Variants in NTN4 observed in about 807,000 individuals in gnomAD.
The protein encoded by NTN4 is netrin 4.
Under a neutral mutation model 73.6 loss-of-function variants are expected in NTN4, and 32 were observed. That is an observed-to-expected ratio of 0.44 (90% CI 0.33 to 0.58). The LOEUF (loss-of-function observed/expected upper bound fraction) is 0.58, where lower values mean the gene tolerates loss of function less well. NTN4 is among the 20% of genes least tolerant of loss of function. The pLI is 0.04. For missense variants in NTN4, 654 were observed against 798.3 expected (o/e 0.82, Z 2.18); for synonymous variants, 258 against 287.5 (o/e 0.90, Z 1.04).
intron 9 of NTN4, among the ~76,000 whole-genome samples, 160 bp from the exon 10 acceptor site, chr12:95,659,382 A>G (rs955576872): frequency 3.9e-5 from 6 of 151,974 alleles, no homozygotes; most frequent in Non-Finnish European, 5.9e-5. Flanking sequence ...TGCAGCCTCA[A>G]TCTCCTGGGT....
chr12:95,747,337 C>CT lies in NTN4; in HGVS notation c.586-9194dup, dbSNP rs958049175. On this transcript the variant is annotated intron_variant, in intron 2 of 9. Coordinates refer to ENST00000343702, the MANE Select transcript of NTN4 (RefSeq NM_021229.4). ...CGCCTATATATGTATGTATTGTTTT[C>CT]TTTTTTTTTCAGAGACAATGTCTTG... is the stretch of plus-strand genomic sequence containing the variant. 5.4e-5 allele frequency among the ~76,000 whole-genome samples: 8 copies of CT among 148,562 alleles called. No homozygotes were observed. The South Asian group carries it at 8.4e-4, about 16-fold the overall frequency.
At chr12:95,738,189 A>T in intron 2 of NTN4, 45 bp from the exon 3 acceptor site, 14 of 1,539,458 alleles carry the variant, frequency 9.1e-6, no homozygotes, top group Non-Finnish European at 1.2e-5. Flanking sequence ...GACTGTGCGC[A>T]AACCCTGAAT....
intron 9 of NTN4, among the ~76,000 whole-genome samples, chr12:95,664,561 TTCTCTC>T (rs1157314584): frequency 1.3e-5 from 2 of 149,840 alleles, no homozygotes; most frequent in African/African-American, 4.9e-5. Context: ...CTCTTTCTCT[TTCTCTC>T]TCAGTTATCT....
At chr12:95,684,718 G>A (rs1469965306) in intron 5 of NTN4, among the ~76,000 whole-genome samples, 2 of 152,104 alleles carry the variant, frequency 1.3e-5, no homozygotes, top group Non-Finnish European at 2.9e-5. Context: ...TTCTTGGGAT[G>A]GCAAAAGTAG....
intron 3 of NTN4, among the ~76,000 whole-genome samples, chr12:95,730,624 T>A (rs1183041110): frequency 6.6e-6 from 1 of 152,206 alleles, no homozygotes; most frequent in African/African-American, 2.4e-5. Context: ...GCCATGAACG[T>A]GAATTTGGCT....
intron 7 of NTN4, among the ~76,000 whole-genome samples, chr12:95,679,604 C>A (rs1367505755): frequency 6.6e-6 from 1 of 152,126 alleles, no homozygotes; most frequent in Non-Finnish European, 1.5e-5. Context: ...ATTCTATGAA[C>A]AATTATTGCC....
rs189859095 is a variant in NTN4, at chr12:95,691,816, A to G, written c.1181-8105T>C. On this transcript the variant is annotated intron_variant, in intron 5 of 9. Transcript: ENST00000343702. ...TGGTGAACTGTCCTTAAGAGCCAAAATATTACACTGAGTGGTAACCAGGTA... is the reference window on the plus strand; with the variant it reads ...TGGTGAACTGTCCTTAAGAGCCAAAGTATTACACTGAGTGGTAACCAGGTA... 1.1e-3 allele frequency among the ~76,000 whole-genome samples: 173 copies of G among 152,176 alleles called. 1 individual carries two copies. The highest frequency in any genetic ancestry group is 4.0e-3 in the African/African-American group (166 of 41,508).
chr12:95,715,377 A>G (rs2121099289), intron 3 of NTN4, among the ~76,000 whole-genome samples: 1 of 152,276 alleles, frequency 6.6e-6, no homozygotes, highest in African/African-American at 2.4e-5. Context: ...CTCCTTGAAA[A>G]AAAGATGATG....
At chr12:95,770,117 T>C (rs1489595644) in intron 2 of NTN4, among the ~76,000 whole-genome samples, 1 of 152,172 alleles carries the variant, frequency 6.6e-6, no homozygotes, top group African/African-American at 2.4e-5. Context: ...GACTCAGATA[T>C]AGAAGTACAG....
chr12:95,787,196 C>T lies in NTN4; in HGVS notation c.328G>A (p.Glu110Lys). 1.9e-6 allele frequency: 3 copies of T among 1,614,244 alleles called. No homozygotes were observed. Among genetic ancestry groups the T allele is most frequent in the South Asian group, 1.1e-5 (1 of 91,084 alleles). ...RFPRTWWQSA[E>K]DVHREKIQLD... ...TGGATCTTTTCTCTGTGCACATCCTCCGCAGACTGCCACCATGTGCGAGGA... is the reference window on the plus strand; with the variant it reads ...TGGATCTTTTCTCTGTGCACATCCTTCGCAGACTGCCACCATGTGCGAGGA... Residue 110 changes from glutamate to lysine, a missense_variant, in exon 2 of 10, where the codon GAG becomes AAG. Glu to Lys is a moderately conservative substitution (Grantham distance 56). Coordinates refer to ENST00000343702, the MANE Select transcript of NTN4 (RefSeq NM_021229.4).
chr12:95,703,032 T>C (rs899450723), intron 5 of NTN4, among the ~76,000 whole-genome samples: 4 of 152,002 alleles, frequency 2.6e-5, no homozygotes, highest in African/African-American at 9.7e-5. Flanking sequence ...TAATTTTGTA[T>C]TTTTAGTAGA....
intron 3 of NTN4, among the ~76,000 whole-genome samples, chr12:95,731,782 C>T (rs1215490109): frequency 1.3e-5 from 2 of 151,992 alleles, no homozygotes. Context: ...AGTGCAACAC[C>T]AACAAAAAGA....
In NTN4 at chr12:95,790,454, G is replaced by A. The variant is rs1388374384; in HGVS notation, c.-145C>T. On this transcript the variant is annotated 5_prime_UTR_variant, in exon 1 of 10. Coordinates refer to ENST00000343702, the MANE Select transcript of NTN4 (RefSeq NM_021229.4). The surrounding 1 kb of genome is among the most constrained non-coding windows in gnomAD (Gnocchi z 6.5). The stretch of plus-strand genomic sequence containing the variant: ...TCCTGGGGCGCCGGGCTCGGTCAGC[G>A]GTCGCCGGCAGCTGGGAGCCAGGGG... 3.1e-6 allele frequency: 2 copies of A among 645,386 alleles called. No individual in the cohort carries two copies. The highest frequency in any genetic ancestry group is 4.8e-6 in the Non-Finnish European group (2 of 419,606). The allele number at this position is 645,386 out of a possible 1,614,324, so 40.0% of individuals were successfully genotyped here.
rs752544087 is a variant in NTN4, at chr12:95,786,951, G to C, written c.573C>G (p.Cys191Trp). Residue 191 changes from cysteine (C) to tryptophan (W), a missense_variant, in exon 2 of 10, where the codon TGC becomes TGG. Cys to Trp is a radical substitution (Grantham distance 215). Transcript: ENST00000343702. ...CTSKYSSPFPCTGGEVIFKAL... is the reference protein window; with the variant it reads ...CTSKYSSPFPWTGGEVIFKAL... ...CAGGTGCCCTTACCTCTCCTCCAGT[G>C]CATGGAAAAGGACTGGAGTATTTAG... The C allele has an allele frequency of 6.2e-7, 1 of 1,613,604 alleles. No individual in the cohort carries two copies. The highest frequency in any genetic ancestry group is 1.7e-5 in the Admixed American group (1 of 60,020).
chr12:95,774,532 A>G lies in NTN4; in HGVS notation c.585+12407T>C, dbSNP rs2079078770. On this transcript the variant is annotated intron_variant, in intron 2 of 9. Transcript: ENST00000343702. ...GTTGAAGACTACAAGTAGTTAACTGAACAGTCATGCTTAGAAAGCATTCCT... is the reference window on the plus strand; with the variant it reads ...GTTGAAGACTACAAGTAGTTAACTGGACAGTCATGCTTAGAAAGCATTCCT... 2.0e-5 allele frequency among the ~76,000 whole-genome samples: 3 copies of G among 152,238 alleles called. No individual in the cohort carries two copies. The South Asian group carries it at 6.2e-4, about 31-fold the overall frequency.
rs370645238 is a variant in NTN4 at position 95,747,616 on chromosome 12, T to G, written c.586-9472A>C. On this transcript the variant is annotated intron_variant, in intron 2 of 9. Coordinates refer to ENST00000343702, the MANE Select transcript of NTN4 (RefSeq NM_021229.4). Reference sequence around the variant, plus strand: ...ACTGTGCTTGGACTATTTATATTTTTTGTGTGTGTGTTTATGCTATGTTTT... The same window carrying G: ...ACTGTGCTTGGACTATTTATATTTTGTGTGTGTGTGTTTATGCTATGTTTT... Among the ~76,000 whole-genome samples, 24 of 152,286 alleles carry G rather than the reference T, an allele frequency of 1.6e-4. No individual in the cohort carries two copies. In the South Asian group the frequency reaches 3.7e-3, roughly 24 times the overall value.
intron 3 of NTN4, among the ~76,000 whole-genome samples, chr12:95,713,958 G>A (rs1032652209): frequency 3.3e-5 from 5 of 151,988 alleles, no homozygotes; most frequent in Admixed American, 6.6e-5. Context: ...TATCATTGTA[G>A]CTAAGTATTT....
chr12:95,705,872 A>G lies in NTN4; in HGVS notation c.1180+4569T>C, dbSNP rs574843898. Among the ~76,000 whole-genome samples the G allele has an allele frequency of 1.9e-4, 29 of 152,338 alleles. No individual in the cohort carries two copies. The East Asian group carries it at 5.4e-3, about 28-fold the overall frequency. On this transcript the variant is annotated intron_variant, in intron 5 of 9. Transcript: ENST00000343702. The stretch of plus-strand genomic sequence containing the variant: ...AGTTGTAATTCCCAGAAACTAGCAC[A>G]CCTAGCACATAGTAGCACTGAGTAA...
At position 95,758,175 on chromosome 12, in the gene NTN4, C is replaced by T. The variant is rs117531708; in HGVS notation, c.586-20031G>A. Among the ~76,000 whole-genome samples, 3 of 152,290 alleles carry T rather than the reference C, an allele frequency of 2.0e-5. No individual in the cohort carries two copies. In the East Asian group the frequency reaches 5.8e-4, roughly 29 times the overall value. ...CAAAGTGTTTGCTAAAGTTGTTGTA[C>T]TATTTTGCATTTCTAGCAGCAATGT... On this transcript the variant is annotated intron_variant, in intron 2 of 9. Transcript: ENST00000343702.
Sources: gnomAD v4.1 joint callset for allele counts (sites outside exome capture counted in the v4.1 genomes callset) on GRCh38, gnomAD v4.1.1 for gene constraint, Gnocchi (gnomAD v3.1) non-coding constraint, MANE v1.5 for transcripts, NCBI Gene and HGNC (gene_info 2026-07-23, HGNC 2026-07-21) for gene names.